KRABD2: variants seen among roughly 807,000 people sequenced by gnomAD.
KRABD2 encodes KRAB domain-containing protein 2.
At chr17:8,359,895 G>A in the KRABD2 span, 1 of 454,098 alleles carries the variant, frequency 2.2e-6, no homozygotes, top group Non-Finnish European at 4.4e-6. Flanking sequence ...AAAAACAAGA[G>A]GGGATGTCAT....
the KRABD2 span, among the ~76,000 whole-genome samples, chr17:8,362,090 G>GC: frequency 0.11 from 15,984 of 152,224 alleles, 925 homozygotes; most frequent in Middle Eastern, 0.16. This position sits in a 1 kb window ranked among gnomAD's most constrained non-coding sequence, Gnocchi z 4.2. Flanking sequence ...ACTTTGGGAG[G>GC]CCAAGGTGGG....
the KRABD2 span, among the ~76,000 whole-genome samples, chr17:8,364,001 T>C: frequency 5.3e-5 from 8 of 151,710 alleles, no homozygotes; most frequent in African/African-American, 1.9e-4. This position sits in a 1 kb window ranked among gnomAD's most constrained non-coding sequence, Gnocchi z 4.4. Flanking sequence ...CCTGAGTAGC[T>C]GGGATTACAG....
At chr17:8,360,049 C>T in the KRABD2 span, 5 of 346,440 alleles carry the variant, frequency 1.4e-5, no homozygotes, top group East Asian at 7.5e-5. Flanking sequence ...TCATCTGCTA[C>T]GTACTCACCC....
At chr17:8,370,320 G>A in the KRABD2 span, 2 of 1,610,314 alleles carry the variant, frequency 1.2e-6, no homozygotes, top group African/African-American at 2.7e-5. Flanking sequence ...CATTTCACTT[G>A]CATTTGAAAC....
the KRABD2 span, among the ~76,000 whole-genome samples, chr17:8,359,059 GTCTT>G: frequency 3.8e-4 from 58 of 152,282 alleles, no homozygotes; most frequent in African/African-American, 1.3e-3. Context: ...TAGCTCCTCA[GTCTT>G]TCTTTGTCTT....
the KRABD2 span, among the ~76,000 whole-genome samples, chr17:8,365,170 CT>C: frequency 6.6e-6 from 1 of 152,184 alleles, no homozygotes; most frequent in Non-Finnish European, 1.5e-5. Context: ...GAATCCACCT[CT>C]AACTCTTTCC....
At chr17:8,366,072 G>C in the KRABD2 span, among the ~76,000 whole-genome samples, 1 of 151,836 alleles carries the variant, frequency 6.6e-6, no homozygotes, top group Non-Finnish European at 1.5e-5. Flanking sequence ...AGGTTGCAGT[G>C]AGCCAAGATT....
chr17:8,376,686 GCC>G, the KRABD2 span: 1 of 984,034 alleles, frequency 1.0e-6, no homozygotes, highest in African/African-American at 1.7e-5. Flanking sequence ...CCACCCAGAG[GCC>G]CCCGAGCAGC....
the KRABD2 span, chr17:8,369,041 C>A: frequency 6.7e-7 from 1 of 1,501,310 alleles, no homozygotes; most frequent in South Asian, 1.4e-5. Flanking sequence ...GAGAGTGCAG[C>A]CTTCAATCTT....
chr17:8,371,882 GT>G, the KRABD2 span: 1 of 1,008,672 alleles, frequency 9.9e-7, no homozygotes, highest in African/African-American at 1.7e-5. Context: ...ACCTGCCACT[GT>G]GATCAGATAA....
At chr17:8,359,459 T>C in the KRABD2 span, 1 of 395,756 alleles carries the variant, frequency 2.5e-6, no homozygotes, top group African/African-American at 2.1e-5. Flanking sequence ...AAGTCTTTAC[T>C]CTGTGCCTAT....
At chr17:8,364,158 C>T in the KRABD2 span, among the ~76,000 whole-genome samples, 7 of 151,616 alleles carry the variant, frequency 4.6e-5, no homozygotes, top group Non-Finnish European at 1.0e-4. This position sits in a 1 kb window ranked among gnomAD's most constrained non-coding sequence, Gnocchi z 4.4. Context: ...CGTGAGCCAC[C>T]GCACCCAGCC....
the KRABD2 span, among the ~76,000 whole-genome samples, chr17:8,364,815 C>T: frequency 6.6e-6 from 1 of 152,164 alleles, no homozygotes. The surrounding 1 kb of genome is among the most constrained non-coding windows in gnomAD (Gnocchi z 4.4). Context: ...GGGTGGATCA[C>T]CTGAGGTCAG....
the KRABD2 span, among the ~76,000 whole-genome samples, chr17:8,365,365 G>A: frequency 6.6e-6 from 1 of 152,130 alleles, no homozygotes; most frequent in Non-Finnish European, 1.5e-5. Flanking sequence ...GGAGGGGAAG[G>A]TAACATCCTC....
the KRABD2 span, chr17:8,375,790 C>T: frequency 2.7e-6 from 2 of 743,906 alleles, no homozygotes; most frequent in Non-Finnish European, 3.5e-6. Flanking sequence ...GAAATGTGAC[C>T]GTAAATCAAT....
At chr17:8,363,868 T>TAC in the KRABD2 span, among the ~76,000 whole-genome samples, 2 of 69,830 alleles carry the variant, frequency 2.9e-5, no homozygotes, top group Non-Finnish European at 6.7e-5. Flanking sequence ...TATATTTATT[T>TAC]ATTTATTTAT....
the KRABD2 span, chr17:8,369,469 A>G: frequency 9.9e-6 from 16 of 1,614,092 alleles, no homozygotes; most frequent in African/African-American, 1.6e-4. Context: ...GCCCAGTGAC[A>G]TGAGTGGTTA....
At chr17:8,374,253 T>A in the KRABD2 span, among the ~76,000 whole-genome samples, 1 of 152,346 alleles carries the variant, frequency 6.6e-6, no homozygotes, top group East Asian at 1.9e-4. Flanking sequence ...GAAGTAGACA[T>A]AGGAGACTCC....
chr17:8,359,593 TAGGTAAGGAG>T, the KRABD2 span: 1 of 455,514 alleles, frequency 2.2e-6, no homozygotes, highest in Non-Finnish European at 4.4e-6. Flanking sequence ...GAGAAGGGGG[TAGGTAAGGAG>T]AGCTGGTCCA....
Sources: gnomAD v4.1 joint callset for allele counts (sites outside exome capture counted in the v4.1 genomes callset) on GRCh38, gnomAD v4.1.1 for gene constraint, Gnocchi (gnomAD v3.1) non-coding constraint, MANE v1.5 for transcripts, NCBI Gene and HGNC (gene_info 2026-07-23, HGNC 2026-07-21) for gene names.